CAT: variants seen among roughly 807,000 people sequenced by gnomAD.
CAT encodes the protein epididymis secretory sperm binding protein.
In CAT, 43 loss-of-function variants were observed where a neutral mutation model predicts 59.0. The ratio of observed to expected loss-of-function variants is 0.73; its 90% CI spans 0.57 to 0.94. The LOEUF (loss-of-function observed/expected upper bound fraction) is 0.94, where lower values mean the gene tolerates loss of function less well. Ranked by LOEUF, CAT falls within the 40% of genes least tolerant of loss-of-function variation. CAT has a pLI of 0.00. For synonymous variants in CAT, 218 were observed against 230.9 expected (o/e 0.94, Z 0.51); for missense variants, 664 against 682.9 (o/e 0.97, Z 0.31).
At position 34,471,585 on chromosome 11, in the gene CAT, AT is replaced by A; in HGVS notation, c.*156del. 1 of 698,950 alleles carries A rather than the reference AT, an allele frequency of 1.4e-6. No homozygotes were observed. Among genetic ancestry groups the A allele is most frequent in the Non-Finnish European group, 2.6e-6 (1 of 382,700 alleles). 43.3% of individuals were successfully genotyped at this position (698,950 alleles called of 1,614,324 possible). On this transcript the variant is annotated 3_prime_UTR_variant, in exon 13 of 13. Coordinates refer to ENST00000241052, the MANE Select transcript of CAT (RefSeq NM_001752.4). ...ACTTTCTATAGCAGATTGTGTAACAATTTTAATGCTATTTCCCCAGGGGAAA... is the reference window on the plus strand; with the variant it reads ...ACTTTCTATAGCAGATTGTGTAACAATTTAATGCTATTTCCCCAGGGGAAA...
rs201903015 is a variant in CAT, at chr11:34,468,394, C to T, written c.1433C>T (p.Ala478Val). ...GCACAAATTTTCATCCAGAAGAAAG[C>T]GGTGAGTCTTTGTAAGCTGAAGGGT... is the stretch of plus-strand genomic sequence containing the variant. ...KDAQIFIQKK[A>V]VKNFTEVHPD... is the part of the protein sequence containing the mutation. Residue 478 changes from alanine to valine, a missense_variant and splice_region_variant, in exon 11 of 13, where the codon GCG becomes GTG. Transcript: ENST00000241052. 64 of 1,609,558 alleles carry T rather than the reference C, an allele frequency of 4.0e-5. No homozygotes were observed. Among genetic ancestry groups the T allele is most frequent in the Admixed American group, 3.3e-4 (20 of 60,000 alleles).
chr11:34,467,517 TG>T, intron 10 of CAT, among the ~76,000 whole-genome samples: 1 of 152,348 alleles, frequency 6.6e-6, no homozygotes, highest in East Asian at 1.9e-4. Flanking sequence ...TTTGGATAAT[TG>T]GATATTATTG....
chr11:34,451,137 C>A, intron 3 of CAT, 39 bp downstream of exon 3: 1 of 1,146,664 alleles, frequency 8.7e-7, no homozygotes, highest in South Asian at 1.2e-5. Flanking sequence ...TGGCTTAACT[C>A]AACTTCACCT....
intron 1 of CAT, among the ~76,000 whole-genome samples, chr11:34,445,212 G>T (rs979547312): frequency 1.2e-4 from 18 of 152,092 alleles, no homozygotes; most frequent in African/African-American, 3.9e-4. Flanking sequence ...GTGACAGGCT[G>T]GGCGCGGTGG....
At position 34,452,202 on chromosome 11, in the gene CAT, A is replaced by G. The variant is rs1307058799; in HGVS notation, c.475A>G (p.Ile159Val). 3.3e-5 allele frequency: 54 copies of G among 1,613,614 alleles called. No homozygotes were observed. The highest frequency in any genetic ancestry group is 4.5e-5 in the Non-Finnish European group (53 of 1,179,668). ...CCCCATTTTCTTCATCAGGGATCCC[A>G]TATTGGTAGGTAATAGAGTATTTTG... ...NTPIFFIRDP[I>V]LFPSFIHSQK... Residue 159 changes from isoleucine to valine, a missense_variant, in exon 4 of 13, where the codon ATA (isoleucine) becomes GTA (valine). Ile to Val is a conservative substitution (Grantham distance 29). Coordinates refer to ENST00000241052, the MANE Select transcript of CAT (RefSeq NM_001752.4).
intron 6 of CAT, 98 bp from the exon 7 acceptor site, chr11:34,455,913 T>G (rs540816008): frequency 2.2e-6 from 2 of 923,012 alleles, no homozygotes; most frequent in Non-Finnish European, 3.5e-6. Flanking sequence ...GTTCATTCTT[T>G]GGGCAGTGTT....
At chr11:34,456,990 G>GCTCATTGAAGAAT in intron 8 of CAT, 173 bp downstream of exon 8, 1 of 686,052 alleles carries the variant, frequency 1.5e-6, no homozygotes, top group Non-Finnish European at 2.5e-6. Context: ...ATTCTTCAAT[G>GCTCATTGAAGAAT]AGCATTCCTT....
chr11:34,449,969 A>ACT (rs1156610386), intron 2 of CAT, among the ~76,000 whole-genome samples: 1 of 152,136 alleles, frequency 6.6e-6, no homozygotes, highest in African/African-American at 2.4e-5. Flanking sequence ...TGCAGGGTGG[A>ACT]CTCACACTGG....
At chr11:34,450,059 A>G (rs193048098) in intron 2 of CAT, among the ~76,000 whole-genome samples, 48 of 152,294 alleles carry the variant, frequency 3.2e-4, no homozygotes, top group African/African-American at 8.9e-4. Flanking sequence ...GAGAAAACCT[A>G]TCTAGACATG....
chr11:34,455,595 A>G (rs1439363522), intron 6 of CAT, among the ~76,000 whole-genome samples: 1 of 151,916 alleles, frequency 6.6e-6, no homozygotes, highest in Non-Finnish European at 1.5e-5. Context: ...AGTCTCAGTA[A>G]TTGATTTGAG....
In CAT at chr11:34,438,946, T is replaced by G; in HGVS notation, c.-68T>G. ...ACGGACTCGGGGCAACAGGCAGATT[T>G]GCCTGCTGAGGGTGGAGACCCACGA... On this transcript the variant is annotated 5_prime_UTR_variant, in exon 1 of 13. Coordinates refer to ENST00000241052, the MANE Select transcript of CAT (RefSeq NM_001752.4). 1 of 1,389,672 alleles carries G rather than the reference T, an allele frequency of 7.2e-7. No homozygotes were observed. The highest frequency in any genetic ancestry group is 1.0e-6 in the Non-Finnish European group (1 of 999,290). 86.1% of individuals were successfully genotyped at this position (1,389,672 alleles called of 1,614,324 possible). A position where few individuals can be genotyped will look rare whatever the true frequency, so the allele number is the denominator to read the frequency against.
intron 1 of CAT, among the ~76,000 whole-genome samples, chr11:34,447,201 C>T (rs1487428964): frequency 2.6e-5 from 4 of 152,118 alleles, no homozygotes; most frequent in Admixed American, 6.5e-5. Flanking sequence ...TCAATCCTAG[C>T]TTGAACAGGA....
chr11:34,458,625 A>G (rs1415318334), intron 8 of CAT, among the ~76,000 whole-genome samples: 4 of 152,212 alleles, frequency 2.6e-5, no homozygotes, highest in Non-Finnish European at 5.9e-5. Context: ...TCATGGGCAG[A>G]GCAGAGGCTG....
intron 10 of CAT, 89 bp from the exon 11 acceptor site, chr11:34,468,199 C>A: frequency 1.1e-6 from 1 of 918,272 alleles, no homozygotes; most frequent in Non-Finnish European, 1.8e-6. Flanking sequence ...TTTTTTTTAT[C>A]ATTGATTTCC....
At chr11:34,459,493 G>A (rs1261050111) in intron 8 of CAT, among the ~76,000 whole-genome samples, 1 of 152,210 alleles carries the variant, frequency 6.6e-6, no homozygotes, top group East Asian at 1.9e-4. Context: ...TGTCCCCTGA[G>A]TACCTGAGGA....
chr11:34,470,682 A>G (rs1856763542), intron 11 of CAT: 1 of 452,034 alleles, frequency 2.2e-6, no homozygotes, highest in South Asian at 2.1e-5. Flanking sequence ...TTAAAATTAT[A>G]CTGATTAGGT....
chr11:34,453,050 A>C (rs779599557), intron 4 of CAT, 40 bp from the exon 5 acceptor site: 1 of 1,201,146 alleles, frequency 8.3e-7, no homozygotes, highest in African/African-American at 1.5e-5. Context: ...ATTCCTGTAA[A>C]CTTAGTTTTT....
At chr11:34,449,097 TG>T in intron 1 of CAT, 94 bp from the exon 2 acceptor site, 1 of 1,068,730 alleles carries the variant, frequency 9.4e-7, no homozygotes, top group Non-Finnish European at 1.4e-6. Flanking sequence ...AGAGGGCAGA[TG>T]GTATAAACAT....
At position 34,461,396 on chromosome 11, in the gene CAT, C is replaced by T. The variant is rs949135030; in HGVS notation, c.1195+7C>T. On this transcript the variant is annotated splice_region_variant and intron_variant, in intron 9 of 12. Coordinates refer to ENST00000241052, the MANE Select transcript of CAT (RefSeq NM_001752.4). ...TGCATGCAGGACAATCAGGGTAGGC[C>T]TAAAGACGTTGGGCTCCCCCTGCGT... 2 of 1,614,172 alleles carry T rather than the reference C, an allele frequency of 1.2e-6. No individual in the cohort carries two copies. The highest frequency in any genetic ancestry group is 1.7e-6 in the Non-Finnish European group (2 of 1,180,034).
Sources: gnomAD v4.1 joint callset for allele counts (sites outside exome capture counted in the v4.1 genomes callset) on GRCh38, gnomAD v4.1.1 for gene constraint, MANE v1.5 for transcripts, NCBI Gene and HGNC (gene_info 2026-07-23, HGNC 2026-07-21) for gene names.